The following FBXO11 variants were observed in gnomAD, a reference collection of about 807,000 sequenced individuals.
FBXO11 encodes F-box only protein 11.
FBXO11 carries 13 observed loss-of-function variants against 117.0 expected under a neutral mutation model. The ratio of observed to expected loss-of-function variants is 0.11; its 90% CI spans 0.07 to 0.18. The LOEUF is 0.18. FBXO11 is among the 10% of genes least tolerant of loss of function. FBXO11 has a pLI of 1.00. For synonymous variants in FBXO11, 490 were observed against 380.5 expected, an observed-to-expected ratio of 1.29 and a Z score of -3.35; for missense variants, 767 against 1,164.4, an observed-to-expected ratio of 0.66 and a Z score of 4.97.
intron 1 of FBXO11, among the ~76,000 whole-genome samples, chr2:47,899,712 G>C (rs973929414): frequency 2.0e-5 from 3 of 152,076 alleles, no homozygotes; most frequent in Non-Finnish European, 2.9e-5. Context: ...GGAATACTTT[G>C]CCAACAAAGT....
chr2:47,876,118 G>T (rs1187141248), intron 1 of FBXO11, among the ~76,000 whole-genome samples: 2 of 152,158 alleles, frequency 1.3e-5, no homozygotes, highest in Admixed American at 6.5e-5. Flanking sequence ...CTTTCATTCA[G>T]GTAGTCTGGC....
intron 16 of FBXO11, among the ~76,000 whole-genome samples, chr2:47,814,875 G>C (rs1237577981): frequency 6.6e-6 from 1 of 152,112 alleles, no homozygotes; most frequent in Non-Finnish European, 1.5e-5. Context: ...TAAATCCTTT[G>C]TCTTCATTTC....
intron 1 of FBXO11, chr2:47,883,923 G>A (rs548001528): frequency 6.3e-6 from 1 of 158,132 alleles, no homozygotes; most frequent in Non-Finnish European, 1.4e-5. Flanking sequence ...AATTGTGTAT[G>A]AATTAATAAA....
chr2:47,850,616 T>A (rs1673787550), intron 1 of FBXO11, among the ~76,000 whole-genome samples: 1 of 152,216 alleles, frequency 6.6e-6, no homozygotes, highest in South Asian at 2.1e-4. Context: ...GTCCACAGAT[T>A]CATGAATTTG....
chr2:47,811,257 A>T (rs1470255101), intron 18 of FBXO11: 1 of 152,118 alleles, frequency 6.6e-6, no homozygotes, highest in Non-Finnish European at 1.5e-5. Context: ...ACAGAGTCTC[A>T]CTCTGCCACC....
At chr2:47,858,407 C>T (rs1038915276) in intron 1 of FBXO11, among the ~76,000 whole-genome samples, 7 of 151,238 alleles carry the variant, frequency 4.6e-5, no homozygotes, top group Non-Finnish European at 8.8e-5. Flanking sequence ...ACAGGCCAGG[C>T]GTGGTGACTC....
chr2:47,888,563 A>G (rs1677038415), intron 1 of FBXO11: 1 of 437,052 alleles, frequency 2.3e-6, no homozygotes, highest in Non-Finnish European at 3.0e-6. Flanking sequence ...AATAGGAAAA[A>G]AATAGCTGAG....
chr2:47,854,128 T>C (rs909285120), intron 1 of FBXO11, among the ~76,000 whole-genome samples: 5 of 152,238 alleles, frequency 3.3e-5, no homozygotes, highest in Non-Finnish European at 7.3e-5. Context: ...TATGTTCACT[T>C]AGAAAATTTG....
At chr2:47,840,370 G>A (rs1672924904) in intron 1 of FBXO11, among the ~76,000 whole-genome samples, 2 of 151,964 alleles carry the variant, frequency 1.3e-5, no homozygotes, top group Admixed American at 1.3e-4. Context: ...GTGTGTCTAT[G>A]AAGAGGAACG....
chr2:47,808,957 A>C (rs990279381), intron 21 of FBXO11: 2 of 428,660 alleles, frequency 4.7e-6, no homozygotes. Flanking sequence ...TCAGCCTCCC[A>C]AAGTGCTAGG....
Position 47,813,139 on chromosome 2 carries a change from A to G in FBXO11, c.2227+95T>C, listed in dbSNP as rs544382653. 7 of 1,249,592 alleles carry G rather than the reference A, an allele frequency of 5.6e-6. No homozygotes were observed. The African/African-American group carries it at 8.9e-5, about 16-fold the overall frequency. 77.4% of individuals were successfully genotyped at this position (1,249,592 alleles called of 1,614,324 possible). A position where few individuals can be genotyped will look rare whatever the true frequency, so the allele number is the denominator to read the frequency against. Reference sequence around the variant, plus strand: ...AAGGAAAAAGACTTGAGATTCACTCATTTATAACTTAGTTAGCAATGTCAT... The same window carrying G: ...AAGGAAAAAGACTTGAGATTCACTCGTTTATAACTTAGTTAGCAATGTCAT... On this transcript the variant is annotated intron_variant, in intron 18 of 22. Coordinates refer to ENST00000403359, the MANE Select transcript of FBXO11 (RefSeq NM_001190274.2).
At chr2:47,846,779 A>T (rs1673446834) in intron 1 of FBXO11, among the ~76,000 whole-genome samples, 2 of 152,208 alleles carry the variant, frequency 1.3e-5, no homozygotes, top group Non-Finnish European at 2.9e-5. Context: ...TTACTGAGAT[A>T]ATTTACATTT....
chr2:47,882,859 G>C (rs1676535802), intron 1 of FBXO11, among the ~76,000 whole-genome samples: 1 of 152,074 alleles, frequency 6.6e-6, no homozygotes, highest in Non-Finnish European at 1.5e-5. Context: ...ATGTTGTCTA[G>C]GCTGGTCTCA....
intron 1 of FBXO11, among the ~76,000 whole-genome samples, chr2:47,891,462 G>T (rs183037107): frequency 6.6e-6 from 1 of 152,164 alleles, no homozygotes; most frequent in Non-Finnish European, 1.5e-5. Flanking sequence ...AATTCCTTAA[G>T]ACTGAATAAC....
At chr2:47,838,536 C>T (rs1672769473) in intron 4 of FBXO11, among the ~76,000 whole-genome samples, 1 of 151,724 alleles carries the variant, frequency 6.6e-6, no homozygotes, top group African/African-American at 2.4e-5. Context: ...ATAAAACCTA[C>T]ATTCTAATCT....
intron 1 of FBXO11, among the ~76,000 whole-genome samples, 178 bp from the exon 2 acceptor site, chr2:47,839,947 A>AT (rs371629734): frequency 1.9e-3 from 272 of 145,694 alleles, no homozygotes; most frequent in African/African-American, 2.3e-3. Context: ...AATGTGGAAG[A>AT]TTTTTTTTTT....
At chr2:47,858,509 C>T (rs943364852) in intron 1 of FBXO11, among the ~76,000 whole-genome samples, 2 of 149,944 alleles carry the variant, frequency 1.3e-5, no homozygotes, top group East Asian at 2.0e-4. Context: ...TGGTGTATCC[C>T]CGTCTCTACT....
At chr2:47,903,860 A>T (rs1678517738) in intron 1 of FBXO11, among the ~76,000 whole-genome samples, 1 of 152,252 alleles carries the variant, frequency 6.6e-6, no homozygotes, top group Non-Finnish European at 1.5e-5. Flanking sequence ...AAGAACACTG[A>T]TAGACATATG....
chr2:47,840,413 TA>T (rs1672927190), intron 1 of FBXO11, among the ~76,000 whole-genome samples: 1 of 151,316 alleles, frequency 6.6e-6, no homozygotes, highest in South Asian at 2.1e-4. Context: ...CCAGGTAGGT[TA>T]AAAAGGGTGT....
Sources: allele counts gnomAD v4.1 joint callset (sites outside exome capture counted in the v4.1 genomes callset), GRCh38; gene constraint gnomAD v4.1.1; transcripts MANE v1.5; gene names NCBI Gene and HGNC (gene_info 2026-07-23, HGNC 2026-07-21).